GRK1: variants seen among roughly 807,000 people sequenced by gnomAD.
The protein encoded by GRK1 is G protein-coupled receptor kinase 1.
In GRK1, 28 loss-of-function variants were observed where a neutral mutation model predicts 41.7. The ratio of observed to expected loss-of-function variants is 0.67; its 90% CI spans 0.50 to 0.92. The LOEUF is 0.92. Ranked by LOEUF, GRK1 falls within the 40% of genes least tolerant of loss-of-function variation. The pLI is 0.00. For missense variants in GRK1, 703 were observed against 671.2 expected (o/e 1.05, Z -0.52); for synonymous variants, 327 against 286.7 (o/e 1.14, Z -1.42).
chr13:113,733,138 C>G, intron 6 of GRK1, 53 bp downstream of exon 6: 1 of 1,485,178 alleles, frequency 6.7e-7, no homozygotes, highest in East Asian at 2.5e-5. Flanking sequence ...GCTGTGTGGC[C>G]CTTGGGTGTC....
At chr13:113,668,781 C>A (rs1211620831) in intron 1 of GRK1, among the ~76,000 whole-genome samples, 1 of 152,222 alleles carries the variant, frequency 6.6e-6, no homozygotes, top group African/African-American at 2.4e-5. Context: ...CACTTTGACT[C>A]CACGTGGCTC....
chr13:113,650,273 C>T, the GRK1 span: 13 of 800,614 alleles, frequency 1.6e-5, no homozygotes, highest in East Asian at 1.4e-4. This position sits in a 1 kb window ranked among gnomAD's most constrained non-coding sequence, Gnocchi z 5.0. Flanking sequence ...ACACGCAGAA[C>T]GTTCCAGTCA....
chr13:113,725,061 T>A (rs1170498213), intron 4 of GRK1, among the ~76,000 whole-genome samples: 1 of 152,244 alleles, frequency 6.6e-6, no homozygotes, highest in African/African-American at 2.4e-5. Flanking sequence ...GGGCTCAGGC[T>A]GTGACCCCTG....
intron 6 of GRK1, among the ~76,000 whole-genome samples, 180 bp downstream of exon 6, chr13:113,733,265 C>G (rs1039433319): frequency 1.3e-5 from 2 of 152,236 alleles, no homozygotes; most frequent in African/African-American, 4.8e-5. Flanking sequence ...CCAGGACAAG[C>G]CGATGGAGCC....
Position 113,726,936 on chromosome 13 carries a change from C to T in GRK1, c.1069+3779C>T, listed in dbSNP as rs531289665. Among the ~76,000 whole-genome samples the T allele has an allele frequency of 1.5e-4, 23 of 152,214 alleles. 1 individual carries two copies. The highest frequency in any genetic ancestry group is 2.1e-4 in the South Asian group (1 of 4,832). ...GCCACATCAGCCTGGCCCTCAGGCA[C>T]GGTGAAGGACCAGGAAGGACCTTGA... On this transcript the variant is annotated intron_variant, in intron 4 of 6. Transcript: ENST00000335678.
At chr13:113,723,550 A>G (rs987637350) in intron 4 of GRK1, among the ~76,000 whole-genome samples, 3 of 152,114 alleles carry the variant, frequency 2.0e-5, no homozygotes, top group Admixed American at 2.0e-4. Context: ...TAGGAAGATG[A>G]GAGACAAATG....
At chr13:113,732,424 C>T (rs918783107) in intron 5 of GRK1, among the ~76,000 whole-genome samples, 11 of 152,172 alleles carry the variant, frequency 7.2e-5, no homozygotes, top group African/African-American at 2.7e-4. Flanking sequence ...TGGCCTGATC[C>T]GGGGGCCTTG....
chr13:113,651,935 C>G, the GRK1 span, among the ~76,000 whole-genome samples: 1 of 152,196 alleles, frequency 6.6e-6, no homozygotes, highest in Admixed American at 6.5e-5. Flanking sequence ...CAGCCCTCCC[C>G]CCACCCACCC....
chr13:113,731,345 T>A lies in GRK1; in HGVS notation c.1194+2T>A. ...CCCTTCCGAGCCCGTGGAGAGAAGG[T>A]AGGAGGCGGCCGGCAGGTGTCTCTG... On this transcript the variant is annotated splice_donor_variant, in intron 5 of 6. Coordinates refer to ENST00000335678, the MANE Select transcript of GRK1 (RefSeq NM_002929.3). LOFTEE classifies it high-confidence loss of function. The surrounding 1 kb of genome is among the most constrained non-coding windows in gnomAD (Gnocchi z 5.6). The A allele has an allele frequency of 6.5e-7, 1 of 1,536,498 alleles. No homozygotes were observed. Among genetic ancestry groups the A allele is most frequent in the Non-Finnish European group, 8.7e-7 (1 of 1,146,696 alleles).
chr13:113,723,854 C>A (rs1162743781), intron 4 of GRK1, among the ~76,000 whole-genome samples: 2 of 148,660 alleles, frequency 1.3e-5, no homozygotes, highest in Non-Finnish European at 3.0e-5. Context: ...GTCTGTGTGC[C>A]TGTGTGTGCA....
rs1594572555 is a variant in GRK1 at position 113,671,374 on chromosome 13, G to A, written c.828-125G>A. 1 of 706,610 alleles carries A rather than the reference G, an allele frequency of 1.4e-6. No individual in the cohort carries two copies. The highest frequency in any genetic ancestry group is 1.9e-5 in the Admixed American group (1 of 52,468). 43.8% of individuals were successfully genotyped at this position (706,610 alleles called of 1,614,324 possible). A position where few individuals can be genotyped will look rare whatever the true frequency, so the allele number is the denominator to read the frequency against. ...GGTGTCCTCTGCAGGGACGTAGGGGGGCCAGGCCTCAAAACGACCAGAACG... is the reference window on the plus strand; with the variant it reads ...GGTGTCCTCTGCAGGGACGTAGGGGAGCCAGGCCTCAAAACGACCAGAACG... On this transcript the variant is annotated intron_variant, in intron 2 of 6. Coordinates refer to ENST00000335678, the MANE Select transcript of GRK1 (RefSeq NM_002929.3). The surrounding 1 kb of genome is among the most constrained non-coding windows in gnomAD (Gnocchi z 4.1).
the GRK1 span, chr13:113,649,197 TCG>T: frequency 5.7e-5 from 34 of 591,958 alleles, no homozygotes; most frequent in Admixed American, 2.9e-4. This position sits in a 1 kb window ranked among gnomAD's most constrained non-coding sequence, Gnocchi z 4.7. Flanking sequence ...GAACTGATAC[TCG>T]CGAGCAGGTC....
chr13:113,650,453 C>T, the GRK1 span: 30 of 1,613,890 alleles, frequency 1.9e-5, no homozygotes, highest in Admixed American at 3.3e-5. This position sits in a 1 kb window ranked among gnomAD's most constrained non-coding sequence, Gnocchi z 5.0. Flanking sequence ...CTGAAGGTGC[C>T]GTTGGGAGGG....
the GRK1 span, chr13:113,652,552 C>T: frequency 2.4e-6 from 1 of 424,540 alleles, no homozygotes; most frequent in East Asian, 5.2e-5. Flanking sequence ...GACTCCAGAA[C>T]TTGAGGCCCC....
the GRK1 span, chr13:113,652,980 A>G: frequency 1.2e-6 from 2 of 1,614,074 alleles, no homozygotes; most frequent in African/African-American, 2.7e-5. Context: ...TTGCAGGAGA[A>G]CTTGGTGTGG....
the GRK1 span, chr13:113,653,127 G>GC: frequency 1.8e-5 from 28 of 1,564,956 alleles, no homozygotes; most frequent in Admixed American, 7.1e-5. Flanking sequence ...ACGCCTGGCT[G>GC]CCCCCCGGGA....
chr13:113,671,425 C>A lies in GRK1; in HGVS notation c.828-74C>A. 1.3e-6 allele frequency: 1 copy of A among 765,272 alleles called. No individual in the cohort carries two copies. Among genetic ancestry groups the A allele is most frequent in the Non-Finnish European group, 2.4e-6 (1 of 415,060 alleles). The allele number at this position is 765,272 out of a possible 1,614,324, so 47.4% of individuals were successfully genotyped here. A position where few individuals can be genotyped will look rare whatever the true frequency, so the allele number is the denominator to read the frequency against. On this transcript the variant is annotated intron_variant, in intron 2 of 6. Transcript: ENST00000335678. The surrounding 1 kb of genome is among the most constrained non-coding windows in gnomAD (Gnocchi z 4.1). ...CTGGCCGAGAGACATGGTTCTGAGG[C>A]CCCAGCTCTGTCTTTCCATGATTTT...
chr13:113,667,093 C>T (rs951707448), upstream of GRK1: 4 of 317,958 alleles, frequency 1.3e-5, no homozygotes, highest in South Asian at 8.0e-5. The surrounding 1 kb of genome is among the most constrained non-coding windows in gnomAD (Gnocchi z 7.5). Flanking sequence ...ATGATCTAAT[C>T]GGATTCCAAG....
At chr13:113,655,367 C>T in the GRK1 span, among the ~76,000 whole-genome samples, 1 of 152,172 alleles carries the variant, frequency 6.6e-6, no homozygotes, top group African/African-American at 2.4e-5. Flanking sequence ...CCATGGTGAC[C>T]CATAGTGCAG....
Sources: allele counts gnomAD v4.1 joint callset (sites outside exome capture counted in the v4.1 genomes callset), GRCh38; gene constraint gnomAD v4.1.1; non-coding constraint Gnocchi (gnomAD v3.1); transcripts MANE v1.5; gene names NCBI Gene and HGNC (gene_info 2026-07-23, HGNC 2026-07-21).